Variants in DOCK5 observed in about 807,000 individuals in gnomAD.
DOCK5 encodes the protein dedicator of cytokinesis 5.
In DOCK5, 142 loss-of-function variants were observed where a neutral mutation model predicts 251.8. The ratio of observed to expected loss-of-function variants is 0.56; its 90% CI spans 0.49 to 0.65. The LOEUF is 0.65. DOCK5 is among the 30% of genes least tolerant of loss of function. The pLI is 0.00. For synonymous variants in DOCK5, 842 were observed against 835.5 expected (o/e 1.01, Z -0.13); for missense variants, 2,111 against 2,312.3 (o/e 0.91, Z 1.79).
intron 1 of DOCK5, among the ~76,000 whole-genome samples, chr8:25,188,552 G>T (rs1366881600): frequency 3.9e-5 from 6 of 152,182 alleles, no homozygotes; most frequent in African/African-American, 9.6e-5. Flanking sequence ...TTATCTTGGT[G>T]CCACTCTTGG....
At position 25,346,085 on chromosome 8, in the gene DOCK5, C is replaced by T. The variant is rs1409763919; in HGVS notation, c.2754+474C>T. On this transcript the variant is annotated intron_variant, in intron 26 of 51. Coordinates refer to ENST00000276440, the MANE Select transcript of DOCK5 (RefSeq NM_024940.8). ...CAGGATAGTCTCGATCTCCTGACCT[C>T]GTGATCCACCCATCTCGGCCTCCCA... Among the ~76,000 whole-genome samples, 5 of 152,118 alleles carry T rather than the reference C, an allele frequency of 3.3e-5. No individual in the cohort carries two copies. The East Asian group carries it at 5.9e-4, about 18-fold the overall frequency.
intron 2 of DOCK5, among the ~76,000 whole-genome samples, chr8:25,254,796 A>C (rs1415862471): frequency 6.8e-6 from 1 of 147,366 alleles, no homozygotes; most frequent in Admixed American, 6.8e-5. Flanking sequence ...AACAAAACAA[A>C]AAAAAAAAAC....
At chr8:25,292,493 A>T (rs977788454) in intron 6 of DOCK5, among the ~76,000 whole-genome samples, 1 of 152,162 alleles carries the variant, frequency 6.6e-6, no homozygotes, top group Non-Finnish European at 1.5e-5. Flanking sequence ...TCACACTTGT[A>T]ATCCCAGTAC....
intron 5 of DOCK5, among the ~76,000 whole-genome samples, chr8:25,282,002 T>C (rs767897533): frequency 1.1e-4 from 16 of 152,228 alleles, no homozygotes; most frequent in Non-Finnish European, 2.2e-4. Flanking sequence ...TAAAATGTCT[T>C]ATAGCCGCTG....
chr8:25,336,035 C>A (rs1447382165), intron 21 of DOCK5, among the ~76,000 whole-genome samples: 1 of 152,218 alleles, frequency 6.6e-6, no homozygotes, highest in Non-Finnish European at 1.5e-5. Flanking sequence ...TATTTCTCAG[C>A]AGAAGGTAGT....
intron 1 of DOCK5, among the ~76,000 whole-genome samples, chr8:25,228,745 CAT>C (rs1410132084): frequency 3.9e-5 from 6 of 151,926 alleles, no homozygotes; most frequent in African/African-American, 1.5e-4. Flanking sequence ...CCTTTTTTCA[CAT>C]GTTTATTCTT....
At chr8:25,264,160 C>G (rs887964188) in intron 2 of DOCK5, among the ~76,000 whole-genome samples, 1 of 151,414 alleles carries the variant, frequency 6.6e-6, no homozygotes, top group South Asian at 2.1e-4. Flanking sequence ...TCCAGGAGTC[C>G]GAGACCAGCC....
chr8:25,397,739 A>G (rs528153639), intron 45 of DOCK5, among the ~76,000 whole-genome samples: 13 of 152,340 alleles, frequency 8.5e-5, no homozygotes, highest in African/African-American at 3.1e-4. Flanking sequence ...AGATTTATAT[A>G]TGCCAATATC....
intron 19 of DOCK5, 127 bp downstream of exon 19, chr8:25,332,475 C>A: frequency 8.4e-7 from 1 of 1,186,784 alleles, no homozygotes; most frequent in Non-Finnish European, 1.2e-6. Context: ...CGTTGTTAAA[C>A]AAGTGTGCTA....
intron 11 of DOCK5, 35 bp from the exon 12 acceptor site, chr8:25,308,748 C>T: frequency 6.2e-7 from 1 of 1,609,032 alleles, no homozygotes; most frequent in Non-Finnish European, 8.5e-7. Flanking sequence ...TCCTTTCTCC[C>T]CCTCCCACCT....
chr8:25,190,570 A>T (rs1032988842), intron 1 of DOCK5, among the ~76,000 whole-genome samples: 2 of 152,056 alleles, frequency 1.3e-5, no homozygotes, highest in African/African-American at 4.8e-5. Flanking sequence ...GAAAATAGAG[A>T]TGTAACTTTT....
chr8:25,258,623 A>G (rs1264486962), intron 2 of DOCK5, among the ~76,000 whole-genome samples: 1 of 152,132 alleles, frequency 6.6e-6, no homozygotes, highest in Non-Finnish European at 1.5e-5. Context: ...CAGGAGAACA[A>G]AGAAGGGTCA....
intron 49 of DOCK5, 140 bp from the exon 50 acceptor site, chr8:25,408,662 T>A (rs779096317): frequency 2.0e-5 from 18 of 913,252 alleles, no homozygotes; most frequent in Non-Finnish European, 3.0e-5. Flanking sequence ...GTGTTGCCCA[T>A]CATATGACAA....
At chr8:25,327,978 T>G (rs191238142) in intron 18 of DOCK5, among the ~76,000 whole-genome samples, 1 of 152,264 alleles carries the variant, frequency 6.6e-6, no homozygotes, top group East Asian at 1.9e-4. Flanking sequence ...GAACATCATG[T>G]TGTACACTGC....
chr8:25,185,788 A>G (rs892865855), intron 1 of DOCK5, among the ~76,000 whole-genome samples: 3 of 152,188 alleles, frequency 2.0e-5, no homozygotes, highest in Non-Finnish European at 4.4e-5. Flanking sequence ...TTTGGCTCCG[A>G]AACAATAGAT....
chr8:25,317,464 T>A (rs540042590), intron 14 of DOCK5: 49 of 194,140 alleles, frequency 2.5e-4, no homozygotes, highest in Non-Finnish European at 4.8e-4. Context: ...CCTCTTAGGC[T>A]TGAGCTAAGT....
Position 25,372,540 on chromosome 8 carries a change from T to C in DOCK5, c.3525-19T>C. ...ATAGCATGGAACCTGGGCTTTTGTC[T>C]CTCCCTCCGCCCCTCCAGGCTCCTA... is the stretch of plus-strand genomic sequence containing the variant. On this transcript the variant is annotated intron_variant, in intron 34 of 51. Coordinates refer to ENST00000276440, the MANE Select transcript of DOCK5 (RefSeq NM_024940.8). The C allele has an allele frequency of 6.4e-7, 1 of 1,553,798 alleles. No homozygotes were observed. Among genetic ancestry groups the C allele is most frequent in the Non-Finnish European group, 8.7e-7 (1 of 1,155,802 alleles).
chr8:25,335,938 A>C (rs554125469), intron 21 of DOCK5, among the ~76,000 whole-genome samples: 1 of 152,224 alleles, frequency 6.6e-6, no homozygotes, highest in Non-Finnish European at 1.5e-5. Context: ...CCAGAGATTA[A>C]AATATCCTAG....
At chr8:25,371,017 T>C (rs1800863659) in intron 34 of DOCK5, among the ~76,000 whole-genome samples, 1 of 152,196 alleles carries the variant, frequency 6.6e-6, no homozygotes, top group Non-Finnish European at 1.5e-5. Context: ...CATTGCTTTC[T>C]CATGTTCCCT....
Sources: allele counts gnomAD v4.1 joint callset (sites outside exome capture counted in the v4.1 genomes callset), GRCh38; gene constraint gnomAD v4.1.1; transcripts MANE v1.5; gene names NCBI Gene and HGNC (gene_info 2026-07-23, HGNC 2026-07-21).